PIP4P1: variants seen among roughly 807,000 people sequenced by gnomAD.
PIP4P1 encodes type 1 phosphatidylinositol 4,5-bisphosphate 4-phosphatase.
In PIP4P1, 14 loss-of-function variants were observed where a neutral mutation model predicts 32.3. The ratio of observed to expected loss-of-function variants is 0.43; its 90% confidence interval spans 0.29 to 0.68. The LOEUF (loss-of-function observed/expected upper bound fraction) is 0.68, where lower values mean the gene tolerates loss of function less well. Ranked by LOEUF, PIP4P1 falls within the 30% of genes least tolerant of loss-of-function variation. The pLI is 0.15. For synonymous variants in PIP4P1, 132 were observed against 137.9 expected, an observed-to-expected ratio of 0.96 and a Z score of 0.30; for missense variants, 289 against 364.5, an observed-to-expected ratio of 0.79 and a Z score of 1.69.
At chr14:20,459,524 C>CAGAA (rs1881619098) in intron 4 of PIP4P1, 84 bp from the exon 5 acceptor site, 7 of 1,585,696 alleles carry the variant, frequency 4.4e-6, no homozygotes, top group Non-Finnish European at 4.3e-6. Flanking sequence ...GAACATGTTC[C>CAGAA]CATAGGACAG....
chr14:20,458,677 C>T lies in PIP4P1; in HGVS notation c.716G>A (p.Arg239Gln), dbSNP rs1486335481. 8.7e-6 allele frequency: 14 copies of T among 1,613,220 alleles called. No homozygotes were observed. Among genetic ancestry groups the T allele is most frequent in the Admixed American group, 3.3e-5 (2 of 59,748 alleles). ...LAFGTWKHAR[R>Q]YGGIYAAWAF... ...CCAGGCTGCATAGATGCCTCCATATCGCCGTGCATGCTTCCATGTGCCAAA... is the reference window on the plus strand; with the variant it reads ...CCAGGCTGCATAGATGCCTCCATATTGCCGTGCATGCTTCCATGTGCCAAA... The change falls in exon 7 of 7, where the codon CGA becomes CAA. Residue 239 changes from arginine to glutamine, a missense_variant. Arg to Gln is a conservative substitution (Grantham distance 43). This residue lies in a region of PIP4P1 where 181 missense variants were observed against 263.3 expected (regional missense o/e 0.69). Coordinates refer to ENST00000250489, the MANE Select transcript of PIP4P1 (RefSeq NM_144568.4).
At chr14:20,458,825 G>T in intron 6 of PIP4P1, 123 bp from the exon 7 acceptor site, 1 of 1,269,800 alleles carries the variant, frequency 7.9e-7, no homozygotes, top group Non-Finnish European at 1.1e-6. Context: ...TCCACATGTA[G>T]CCACCCTCAG....
intron 6 of PIP4P1, chr14:20,458,995 C>A (rs1161204672): frequency 1.6e-6 from 1 of 635,462 alleles, no homozygotes; most frequent in Non-Finnish European, 2.7e-6. Flanking sequence ...CTATCCTCAT[C>A]CTACAGAGAA....
intron 1 of PIP4P1, 47 bp from the exon 2 acceptor site, chr14:20,460,892 T>A: frequency 6.7e-7 from 1 of 1,491,448 alleles, no homozygotes; most frequent in Non-Finnish European, 8.9e-7. Context: ...ACACCCCCAC[T>A]GATGCTCCAC....
Position 20,457,937 on chromosome 14 carries a change from CA to C in PIP4P1, c.*621del. On this transcript the variant is annotated 3_prime_UTR_variant, in exon 7 of 7. Coordinates refer to ENST00000250489, the MANE Select transcript of PIP4P1 (RefSeq NM_144568.4). ...AAAGACTGAGCAACCCTACCCAGCCCAGTTAAATACTGCAACTGGGGGGGTA... is the reference window on the plus strand; with the variant it reads ...AAAGACTGAGCAACCCTACCCAGCCCGTTAAATACTGCAACTGGGGGGGTA... The C allele has an allele frequency of 3.2e-6, 1 of 315,606 alleles. No individual in the cohort carries two copies. Among genetic ancestry groups the C allele is most frequent in the Non-Finnish European group, 6.1e-6 (1 of 163,416 alleles). The allele number at this position is 315,606 out of a possible 1,614,324, so 19.6% of individuals were successfully genotyped here. A position where few individuals can be genotyped will look rare whatever the true frequency, so the allele number is the denominator to read the frequency against.
In PIP4P1 at chr14:20,460,263, A is replaced by G. The variant is rs1357589392; in HGVS notation, c.369T>C (p.Val123=). The change falls in exon 3 of 7, where the codon GTT becomes GTC. Residue 123 remains valine (V), a synonymous_variant. Coordinates refer to ENST00000250489, the MANE Select transcript of PIP4P1 (RefSeq NM_144568.4). ...IKNAPPGKKY[V]RCPCNCLLIC... is the part of the protein sequence containing the mutation. ...TAAGGAGACAGTTACAGGGGCATCG[A>G]ACATATTTTTTCCCTGGGGGTGCAT... The G allele has an allele frequency of 3.1e-6, 5 of 1,614,140 alleles. No homozygotes were observed.
At chr14:20,460,931 A>G (rs1881682039) in intron 1 of PIP4P1, 86 bp from the exon 2 acceptor site, 1 of 1,424,608 alleles carries the variant, frequency 7.0e-7, no homozygotes, top group Non-Finnish European at 9.3e-7. Context: ...CTGATCTTCA[A>G]CCCTCTGACC....
In PIP4P1 at chr14:20,461,209, G is replaced by A. The variant is rs1424808442; in HGVS notation, c.117C>T (p.Thr39=). The A allele has an allele frequency of 7.2e-6, 9 of 1,255,364 alleles. No individual in the cohort carries two copies. The highest frequency in any genetic ancestry group is 3.1e-5 in the African/African-American group (2 of 64,660). The allele number at this position is 1,255,364 out of a possible 1,614,324, so 77.8% of individuals were successfully genotyped here. ...CGGCTCCGTACGGTGGTGCGGAGGG[G>A]GTCAGGCCTCCCCCGGGCCCAGCCC... The part of the protein sequence containing the change: ...GSGAGPGGGL[T]PSAPPYGAAF... The change falls in exon 1 of 7, where the codon ACC becomes ACT. Residue 39 remains threonine (T), a synonymous_variant. Transcript: ENST00000250489.
At chr14:20,460,360 C>G in intron 2 of PIP4P1, 62 bp from the exon 3 acceptor site, 1 of 1,207,932 alleles carries the variant, frequency 8.3e-7, no homozygotes, top group Non-Finnish European at 1.2e-6. Flanking sequence ...CACTTCCCTC[C>G]AAAAACACTT....
chr14:20,460,053 AT>A (rs1386492482), intron 3 of PIP4P1, 138 bp downstream of exon 3: 5 of 712,342 alleles, frequency 7.0e-6, no homozygotes, highest in Non-Finnish European at 1.0e-5. Flanking sequence ...CAGCTATAAC[AT>A]TCCTGAGGCA....
chr14:20,460,177 C>T lies in PIP4P1; in HGVS notation c.440+15G>A. ...AGTTCCCCACTTAGGCCCTTCCCCACCTTATGCCTCTTACCAGTAGGGCCG... is the reference window on the plus strand; with the variant it reads ...AGTTCCCCACTTAGGCCCTTCCCCATCTTATGCCTCTTACCAGTAGGGCCG... On this transcript the variant is annotated intron_variant, in intron 3 of 6. Coordinates refer to ENST00000250489, the MANE Select transcript of PIP4P1 (RefSeq NM_144568.4). 2 of 1,603,150 alleles carry T rather than the reference C, an allele frequency of 1.2e-6. No individual in the cohort carries two copies. Among genetic ancestry groups the T allele is most frequent in the Non-Finnish European group, 1.7e-6 (2 of 1,169,902 alleles).
At position 20,458,681 on chromosome 14, in the gene PIP4P1, G is replaced by A. The variant is rs776238979; in HGVS notation, c.712C>T (p.Arg238Trp). ...GCTGCATAGATGCCTCCATATCGCC[G>A]TGCATGCTTCCATGTGCCAAACTGA... is the stretch of plus-strand genomic sequence containing the variant. ...GLAFGTWKHA[R>W]RYGGIYAAWA... The change falls in exon 7 of 7, where the codon CGG becomes TGG. Residue 238 changes from arginine to tryptophan, a missense_variant. Around this residue, in one of 2 missense-constraint regions of PIP4P1, gnomAD observed 181 missense variants for 263.3 expected, o/e 0.69. Transcript: ENST00000250489. 35 of 1,612,844 alleles carry A rather than the reference G, an allele frequency of 2.2e-5. No homozygotes were observed. The highest frequency in any genetic ancestry group is 2.8e-5 in the Non-Finnish European group (33 of 1,179,614).
At position 20,459,379 on chromosome 14, in the gene PIP4P1, A is replaced by C; in HGVS notation, c.599+9T>G. 1 of 1,614,194 alleles carries C rather than the reference A, an allele frequency of 6.2e-7. No individual in the cohort carries two copies. Among genetic ancestry groups the C allele is most frequent in the Non-Finnish European group, 8.5e-7 (1 of 1,180,044 alleles). On this transcript the variant is annotated intron_variant, in intron 5 of 6. Coordinates refer to ENST00000250489, the MANE Select transcript of PIP4P1 (RefSeq NM_144568.4). ...ACATCAATTACCAGCTCAATCCCTA[A>C]TCACTTACACTTTCCTGCAGTGAGG...
At chr14:20,458,899 C>T (rs1459611688) in intron 6 of PIP4P1, 197 bp from the exon 7 acceptor site, 6 of 676,596 alleles carry the variant, frequency 8.9e-6, no homozygotes, top group African/African-American at 1.8e-5. Flanking sequence ...TCATCCCATC[C>T]CACACTGTAT....
chr14:20,458,783 G>C, intron 6 of PIP4P1, 81 bp from the exon 7 acceptor site: 1 of 1,514,980 alleles, frequency 6.6e-7, no homozygotes, highest in Non-Finnish European at 8.9e-7. Context: ...TCTAAGAACA[G>C]TAATAACTCA....
chr14:20,460,774 T>C lies in PIP4P1; in HGVS notation c.214A>G (p.Thr72Ala). 6.2e-7 allele frequency: 1 copy of C among 1,608,304 alleles called. No individual in the cohort carries two copies. Among genetic ancestry groups the C allele is most frequent in the Non-Finnish European group, 8.5e-7 (1 of 1,177,310 alleles). Residue 72 changes from threonine (T) to alanine (A), a missense_variant, in exon 2 of 7, where the codon ACT (threonine) becomes GCT (alanine). Physicochemically the swap from Thr to Ala is moderately conservative, Grantham distance 58. Around this residue, in one of 2 missense-constraint regions of PIP4P1, gnomAD observed 108 missense variants for 101.2 expected, o/e 1.07. Transcript: ENST00000250489. ...GEDPPPYSPLTSPDSGSAPMI... is the reference protein window; with the variant it reads ...GEDPPPYSPLASPDSGSAPMI... ...GGGGCACTCCCACTGTCCGGGCTAG[T>C]TAAGGGTGAATAGGGGGGTGGGTCC... is the stretch of plus-strand genomic sequence containing the variant.
In PIP4P1 at chr14:20,459,697, T is replaced by A; in HGVS notation, c.477A>T (p.Gly159=). The change falls in exon 4 of 7, where the codon GGA becomes GGT. Residue 159 remains glycine, a synonymous_variant. Transcript: ENST00000250489. ...RIINLGPVHP[G]PLSPEPQPMG... ...TGGGTTGGGGTTCTGGACTCAGAGG[T>A]CCGGGATGCACAGGCCCCAGGTTGA... is the stretch of plus-strand genomic sequence containing the variant. 6.2e-7 allele frequency: 1 copy of A among 1,614,024 alleles called. No homozygotes were observed. Among genetic ancestry groups the A allele is most frequent in the Non-Finnish European group, 8.5e-7 (1 of 1,179,992 alleles).
rs974440037 is a variant in PIP4P1, at chr14:20,458,393, A to G, written c.*166T>C. On this transcript the variant is annotated 3_prime_UTR_variant, in exon 7 of 7. Transcript: ENST00000250489. ...AGCAGTGCTCTTATCTGCCCCTCCAAACCTAAGTGAGGGCCTGGTTCCTTC... is the reference window on the plus strand; with the variant it reads ...AGCAGTGCTCTTATCTGCCCCTCCAGACCTAAGTGAGGGCCTGGTTCCTTC... 5 of 990,346 alleles carry G rather than the reference A, an allele frequency of 5.0e-6. No individual in the cohort carries two copies. The highest frequency in any genetic ancestry group is 4.0e-5 in the Admixed American group (2 of 50,374). 61.3% of individuals were successfully genotyped at this position (990,346 alleles called of 1,614,324 possible).
chr14:20,458,830 C>A, intron 6 of PIP4P1, 128 bp from the exon 7 acceptor site: 1 of 1,184,666 alleles, frequency 8.4e-7, no homozygotes, highest in Non-Finnish European at 1.2e-6. Flanking sequence ...ATGTAGCCAC[C>A]CTCAGGGACC....
Sources: allele counts gnomAD v4.1 joint callset, GRCh38; gene constraint gnomAD v4.1.1; regional missense constraint gnomAD v4.1.1; transcripts MANE v1.5; gene names NCBI Gene and HGNC (gene_info 2026-07-23, HGNC 2026-07-21).